The following LCE3A variants were observed in gnomAD, a reference collection of about 807,000 sequenced individuals.
LCE3A encodes the protein late cornified envelope protein 3A.
For synonymous variants in LCE3A, 46 were observed against 42.7 expected (o/e 1.08, Z -0.30); for missense variants, 130 against 113.9 (o/e 1.14, Z -0.64).
In LCE3A at chr1:152,622,910, G is replaced by T. The variant is rs774463353; in HGVS notation, c.194C>A (p.Ser65Tyr). The T allele has an allele frequency of 6.2e-7, 1 of 1,614,194 alleles. No homozygotes were observed. The highest frequency in any genetic ancestry group is 1.1e-5 in the South Asian group (1 of 91,088). ...RRSHRCRCQSSNSCDRGSGQQ... is the reference protein window; with the variant it reads ...RRSHRCRCQSYNSCDRGSGQQ... ...ACCACTTCCCCTGTCACAGGAGTTG[G>T]AGCTCTGGCAACGGCAACGGTGAGA... Residue 65 changes from serine (S) to tyrosine (Y), a missense_variant, in exon 1 of 1, where the codon TCC (serine) becomes TAC (tyrosine). Transcript: ENST00000335674.
chr1:152,622,853 C>A lies in LCE3A; in HGVS notation c.251G>T (p.Ser84Ile). The A allele has an allele frequency of 6.2e-7, 1 of 1,614,142 alleles. No individual in the cohort carries two copies. The change falls in exon 1 of 1, where the codon AGT (serine) becomes ATT (isoleucine). Residue 84 changes from serine to isoleucine, a missense_variant. Ser to Ile is a moderately radical substitution (Grantham distance 142, BLOSUM62 -2). Coordinates refer to ENST00000335674, the MANE Select transcript of LCE3A (RefSeq NM_178431.1). ...CTCAGGTCAGCAGCAGCCCGCAGAA[C>A]TGTGGCCACAGCTGGAGCTCCCGCC... ...QQGGSSSCGH[S>I]SAGCC
At position 152,623,000 on chromosome 1, in the gene LCE3A, C is replaced by T; in HGVS notation, c.104G>A (p.Ser35Asn). Residue 35 changes from serine (S) to asparagine (N), a missense_variant, in exon 1 of 1, where the codon AGC (serine) becomes AAC (asparagine). By Grantham distance (46) the Ser-to-Asn change is conservative. Transcript: ENST00000335674. Reference sequence around the variant, plus strand: ...GGAGCTGGGCCCACAGCCCCCAGAGCTTGGGGCACAGCTGGAGGAAGCTGG... The same window carrying T: ...GGAGCTGGGCCCACAGCCCCCAGAGTTTGGGGCACAGCTGGAGGAAGCTGG... ...LPPASSSCAPSSGGCGPSSER... is the reference protein window; with the variant it reads ...LPPASSSCAPNSGGCGPSSER... The T allele has an allele frequency of 4.3e-6, 7 of 1,614,192 alleles. No individual in the cohort carries two copies. Among genetic ancestry groups the T allele is most frequent in the Non-Finnish European group, 5.9e-6 (7 of 1,180,036 alleles).
rs778259069 is a variant in LCE3A, at chr1:152,622,959, G to A, written c.145C>T (p.Leu49=). The change falls in exon 1 of 1, where the codon CTG becomes TTG. Residue 49 remains leucine (L), a synonymous_variant. Transcript: ENST00000335674. ...CGPSSERSCC[L]SHHRCRRSHR... ...GACCTGCGGCATCTGTGGTGACTCAGGCAGCAGCTGCGCTCGGAGCTGGGC... is the reference window on the plus strand; with the variant it reads ...GACCTGCGGCATCTGTGGTGACTCAAGCAGCAGCTGCGCTCGGAGCTGGGC... 3.1e-6 allele frequency: 5 copies of A among 1,614,154 alleles called. No homozygotes were observed. The highest frequency in any genetic ancestry group is 4.2e-6 in the Non-Finnish European group (5 of 1,180,038).
chr1:152,623,014 G>A lies in LCE3A; in HGVS notation c.90C>T (p.Ser30=). The part of the protein sequence containing the change: ...SPAQCLPPAS[S]SCAPSSGGCG... ...AGCCCCCAGAGCTTGGGGCACAGCT[G>A]GAGGAAGCTGGAGGCAGACACTGTG... is the stretch of plus-strand genomic sequence containing the variant. The change falls in exon 1 of 1, where the codon TCC becomes TCT. Residue 30 remains serine, a synonymous_variant. Transcript: ENST00000335674. The A allele has an allele frequency of 1.2e-6, 2 of 1,614,222 alleles. No individual in the cohort carries two copies. Among genetic ancestry groups the A allele is most frequent in the Non-Finnish European group, 8.5e-7 (1 of 1,180,042 alleles).
chr1:152,622,839 A>T lies in LCE3A; in HGVS notation c.265T>A (p.Cys89Ser), dbSNP rs1647259303. 6.2e-7 allele frequency: 1 copy of T among 1,613,850 alleles called. No homozygotes were observed. The highest frequency in any genetic ancestry group is 8.5e-7 in the Non-Finnish European group (1 of 1,179,994). The change falls in exon 1 of 1, where the codon TGC becomes AGC. Residue 89 changes from cysteine to serine, a missense_variant. Physicochemically the swap from Cys to Ser is moderately radical, Grantham distance 112. Transcript: ENST00000335674. ...SSCGHSSAGC[C>S] is the part of the protein sequence containing the mutation. The stretch of plus-strand genomic sequence containing the variant: ...ACTTAATCTCGTGGCTCAGGTCAGC[A>T]GCAGCCCGCAGAACTGTGGCCACAG...
At chr1:152,622,880 TGCTGACCACTTCCCCTGTCACAGGA>T in the LCE3A span, 1 of 1,614,184 alleles carries the variant, frequency 6.2e-7, no homozygotes, top group Non-Finnish European at 8.5e-7. Flanking sequence ...GCTCCCGCCT[TGCTGACCACTTCCCCTGTCACAGGA>T]GTTGGAGCTC....
Position 152,622,847 on chromosome 1 carries a change from G to A in LCE3A, c.257C>T (p.Ala86Val), listed in dbSNP as rs201031819. Residue 86 changes from alanine to valine, a missense_variant, in exon 1 of 1, where the codon GCG becomes GTG. Coordinates refer to ENST00000335674, the MANE Select transcript of LCE3A (RefSeq NM_178431.1). ...TCGTGGCTCAGGTCAGCAGCAGCCC[G>A]CAGAACTGTGGCCACAGCTGGAGCT... ...GGSSSCGHSSAGCC is the reference protein window; with the variant it reads ...GGSSSCGHSSVGCC 1.9e-5 allele frequency: 30 copies of A among 1,613,906 alleles called. No homozygotes were observed. The Middle Eastern group carries it at 6.7e-4, about 36-fold the overall frequency.
Position 152,623,036 on chromosome 1 carries a change from T to G in LCE3A, c.68A>C (p.Gln23Pro). ...PPKCPAKSPA[Q>P]CLPPASSSCA... The stretch of plus-strand genomic sequence containing the variant: ...GCTGGAGGAAGCTGGAGGCAGACAC[T>G]GTGCTGGGCTCTTTGCAGGGCACTT... Residue 23 changes from glutamine (Q) to proline (P), a missense_variant, in exon 1 of 1, where the codon CAG becomes CCG. Coordinates refer to ENST00000335674, the MANE Select transcript of LCE3A (RefSeq NM_178431.1). 1 of 1,614,188 alleles carries G rather than the reference T, an allele frequency of 6.2e-7. No homozygotes were observed. Among genetic ancestry groups the G allele is most frequent in the Non-Finnish European group, 8.5e-7 (1 of 1,180,028 alleles).
At position 152,622,944 on chromosome 1, in the gene LCE3A, A is replaced by G. The variant is rs755496515; in HGVS notation, c.160T>C (p.Cys54Arg). The stretch of plus-strand genomic sequence containing the variant: ...CAACGGCAACGGTGAGACCTGCGGC[A>G]TCTGTGGTGACTCAGGCAGCAGCTG... ...ERSCCLSHHR[C>R]RRSHRCRCQS... The change falls in exon 1 of 1, where the codon TGC becomes CGC. Residue 54 changes from cysteine (C) to arginine (R), a missense_variant. Physicochemically the swap from Cys to Arg is radical, Grantham distance 180. Transcript: ENST00000335674. 1.2e-5 allele frequency: 20 copies of G among 1,614,178 alleles called. No individual in the cohort carries two copies. In the South Asian group the frequency reaches 2.2e-4, roughly 18 times the overall value.
rs1469550473 is a variant in LCE3A, at chr1:152,622,940, C to T, written c.164G>A (p.Arg55His). 6.2e-7 allele frequency: 1 copy of T among 1,614,156 alleles called. No individual in the cohort carries two copies. The highest frequency in any genetic ancestry group is 8.5e-7 in the Non-Finnish European group (1 of 1,180,014). The change falls in exon 1 of 1, where the codon CGC becomes CAC. Residue 55 changes from arginine to histidine, a missense_variant. Coordinates refer to ENST00000335674, the MANE Select transcript of LCE3A (RefSeq NM_178431.1). ...RSCCLSHHRC[R>H]RSHRCRCQSS... ...CTGGCAACGGCAACGGTGAGACCTG[C>T]GGCATCTGTGGTGACTCAGGCAGCA...
rs547378092 is a variant in LCE3A, at chr1:152,622,922, C to T, written c.182G>A (p.Arg61His). Reference protein sequence around the residue: ...HHRCRRSHRCRCQSSNSCDRG... With the variant: ...HHRCRRSHRCHCQSSNSCDRG... ...GTCACAGGAGTTGGAGCTCTGGCAA[C>T]GGCAACGGTGAGACCTGCGGCATCT... Residue 61 changes from arginine (R) to histidine (H), a missense_variant, in exon 1 of 1, where the codon CGT (arginine) becomes CAT (histidine). Coordinates refer to ENST00000335674, the MANE Select transcript of LCE3A (RefSeq NM_178431.1). The T allele has an allele frequency of 5.0e-6, 8 of 1,614,052 alleles. No individual in the cohort carries two copies. The highest frequency in any genetic ancestry group is 2.2e-5 in the East Asian group (1 of 44,884).
At position 152,622,992 on chromosome 1, in the gene LCE3A, C is replaced by A. The variant is rs1169242169; in HGVS notation, c.112G>T (p.Gly38Cys). 1 of 1,614,156 alleles carries A rather than the reference C, an allele frequency of 6.2e-7. No homozygotes were observed. The highest frequency in any genetic ancestry group is 1.3e-5 in the African/African-American group (1 of 75,046). Reference sequence around the variant, plus strand: ...CTGCGCTCGGAGCTGGGCCCACAGCCCCCAGAGCTTGGGGCACAGCTGGAG... The same window carrying A: ...CTGCGCTCGGAGCTGGGCCCACAGCACCCAGAGCTTGGGGCACAGCTGGAG... ...ASSSCAPSSGGCGPSSERSCC... is the reference protein window; with the variant it reads ...ASSSCAPSSGCCGPSSERSCC... The change falls in exon 1 of 1, where the codon GGC becomes TGC. Residue 38 changes from glycine to cysteine, a missense_variant. Physicochemically the swap from Gly to Cys is radical, Grantham distance 159 (BLOSUM62 -3). Coordinates refer to ENST00000335674, the MANE Select transcript of LCE3A (RefSeq NM_178431.1).
rs1557790862 is a variant in LCE3A, at chr1:152,623,017, G to A, written c.87C>T (p.Ser29=). 1 of 1,614,220 alleles carries A rather than the reference G, an allele frequency of 6.2e-7. No homozygotes were observed. The highest frequency in any genetic ancestry group is 1.7e-5 in the Admixed American group (1 of 60,030). The change falls in exon 1 of 1, where the codon TCC becomes TCT. Residue 29 remains serine (S), a synonymous_variant. Transcript: ENST00000335674. ...CCCCAGAGCTTGGGGCACAGCTGGA[G>A]GAAGCTGGAGGCAGACACTGTGCTG... ...KSPAQCLPPA[S]SSCAPSSGGC... is the part of the protein sequence containing the mutation.
At position 152,622,835 on chromosome 1, in the gene LCE3A, C is replaced by G; in HGVS notation, c.269G>C (p.Ter90SerextTer?). 1.2e-6 allele frequency: 2 copies of G among 1,613,818 alleles called. No individual in the cohort carries two copies. The highest frequency in any genetic ancestry group is 1.7e-6 in the Non-Finnish European group (2 of 1,179,918). ...SCGHSSAGCC[*>S] ...TTTTACTTAATCTCGTGGCTCAGGT[C>G]AGCAGCAGCCCGCAGAACTGTGGCC... Residue 90 changes from the stop codon to serine, a stop_lost, in exon 1 of 1, where the codon TGA (stop) becomes TCA (serine). Transcript: ENST00000335674.
rs1403521543 is a variant in LCE3A at position 152,623,093 on chromosome 1, T to C, written c.11A>G (p.Gln4Arg). Residue 4 changes from glutamine (Q) to arginine (R), a missense_variant, in exon 1 of 1, where the codon CAG becomes CGG. Transcript: ENST00000335674. Reference protein sequence around the residue: MSCQQNQQQCQPPP... With the variant: MSCRQNQQQCQPPP... ...AGGCTGGCACTGCTGCTGGTTCTGC[T>C]GGCAGGACATCTAGGCAGGAGGTCA... is the stretch of plus-strand genomic sequence containing the variant. 6.2e-7 allele frequency: 1 copy of C among 1,614,178 alleles called. No homozygotes were observed. The highest frequency in any genetic ancestry group is 1.1e-5 in the South Asian group (1 of 91,084).
In LCE3A at chr1:152,623,003, G is replaced by A; in HGVS notation, c.101C>T (p.Pro34Leu). ...GCTGGGCCCACAGCCCCCAGAGCTT[G>A]GGGCACAGCTGGAGGAAGCTGGAGG... ...CLPPASSSCA[P>L]SSGGCGPSSE... Residue 34 changes from proline to leucine, a missense_variant, in exon 1 of 1, where the codon CCA becomes CTA. Physicochemically the swap from Pro to Leu is moderately conservative, Grantham distance 98. Coordinates refer to ENST00000335674, the MANE Select transcript of LCE3A (RefSeq NM_178431.1). 6.2e-7 allele frequency: 1 copy of A among 1,614,186 alleles called. No homozygotes were observed. Among genetic ancestry groups the A allele is most frequent in the South Asian group, 1.1e-5 (1 of 91,088 alleles).
chr1:152,623,060 T>A lies in LCE3A; in HGVS notation c.44A>T (p.Lys15Met). The change falls in exon 1 of 1, where the codon AAG becomes ATG. Residue 15 changes from lysine (K) to methionine (M), a missense_variant. By Grantham distance (95) the Lys-to-Met change is moderately conservative (BLOSUM62 -1). Transcript: ENST00000335674. ...CTGTGCTGGGCTCTTTGCAGGGCAC[T>A]TGGGCGGAGGCTGGCACTGCTGCTG... ...QNQQQCQPPPKCPAKSPAQCL... is the reference protein window; with the variant it reads ...QNQQQCQPPPMCPAKSPAQCL... 6.2e-7 allele frequency: 1 copy of A among 1,614,198 alleles called. No homozygotes were observed. Among genetic ancestry groups the A allele is most frequent in the Non-Finnish European group, 8.5e-7 (1 of 1,180,036 alleles).
rs375349290 is a variant in LCE3A at position 152,622,971 on chromosome 1, G to C, written c.133C>G (p.Arg45Gly). ...CTGTGGTGACTCAGGCAGCAGCTGC[G>C]CTCGGAGCTGGGCCCACAGCCCCCA... ...SSGGCGPSSE[R>G]SCCLSHHRCR... Residue 45 changes from arginine (R) to glycine (G), a missense_variant, in exon 1 of 1, where the codon CGC becomes GGC. Coordinates refer to ENST00000335674, the MANE Select transcript of LCE3A (RefSeq NM_178431.1). The C allele has an allele frequency of 3.7e-6, 6 of 1,614,142 alleles. No homozygotes were observed. In the South Asian group the frequency reaches 6.6e-5, roughly 18 times the overall value.
chr1:152,622,864 G>C lies in LCE3A; in HGVS notation c.240C>G (p.Ser80Arg). 1 of 1,614,166 alleles carries C rather than the reference G, an allele frequency of 6.2e-7. No homozygotes were observed. The highest frequency in any genetic ancestry group is 8.5e-7 in the Non-Finnish European group (1 of 1,180,040). Residue 80 changes from serine to arginine, a missense_variant, in exon 1 of 1, where the codon AGC becomes AGG. Physicochemically the swap from Ser to Arg is moderately radical, Grantham distance 110. Coordinates refer to ENST00000335674, the MANE Select transcript of LCE3A (RefSeq NM_178431.1). ...AGCAGCCCGCAGAACTGTGGCCACA[G>C]CTGGAGCTCCCGCCTTGCTGACCAC... ...RGSGQQGGSS[S>R]CGHSSAGCC
Sources: gnomAD v4.1 joint callset for allele counts on GRCh38, gnomAD v4.1.1 for gene constraint, MANE v1.5 for transcripts, NCBI Gene and HGNC (gene_info 2026-07-23, HGNC 2026-07-21) for gene names.